TMEM145: variants seen among roughly 807,000 people sequenced by gnomAD.
The protein encoded by TMEM145 is transmembrane protein 145.
Under a neutral mutation model 68.5 loss-of-function variants are expected in TMEM145, and 46 were observed. The ratio of observed to expected loss-of-function variants is 0.67; its 90% CI spans 0.53 to 0.86. TMEM145 has a LOEUF of 0.86. Among genes scored for constraint, TMEM145 ranks in the 40% least tolerant of loss-of-function variants. The probability of loss-of-function intolerance (pLI) is 0.00; values close to 1 mark genes in which losing one functional copy is unlikely to be tolerated. For missense variants in TMEM145, 570 were observed against 645.8 expected, an observed-to-expected ratio of 0.88 and a Z score of 1.27; for synonymous variants, 255 against 280.2, an observed-to-expected ratio of 0.91 and a Z score of 0.90.
Position 42,314,362 on chromosome 19 carries a change from C to T in TMEM145, c.195+16C>T. The T allele has an allele frequency of 6.2e-7, 1 of 1,614,114 alleles. No individual in the cohort carries two copies. The highest frequency in any genetic ancestry group is 8.5e-7 in the Non-Finnish European group (1 of 1,180,008). On this transcript the variant is annotated intron_variant, in intron 2 of 14. Coordinates refer to ENST00000301204, the MANE Select transcript of TMEM145 (RefSeq NM_173633.3). The stretch of plus-strand genomic sequence containing the variant: ...CTACCCTGAGGTGAGTCTCCCCCAA[C>T]ACTCGCCATGCTGAGGCTGGGTACT...
Position 42,315,031 on chromosome 19 carries a change from C to A in TMEM145, c.459C>A (p.Thr153=). Residue 153 remains threonine (T), a synonymous_variant, in exon 6 of 15, where the codon ACC becomes ACA. Coordinates refer to ENST00000301204, the MANE Select transcript of TMEM145 (RefSeq NM_173633.3). The part of the protein sequence containing the change: ...GLQLEYEMVL[T]NGKSFWTRHF... ...AGCTGGAGTATGAGATGGTCCTCACCAATGGCAAGTCCTTCTGGACACGAC... is the reference window on the plus strand; with the variant it reads ...AGCTGGAGTATGAGATGGTCCTCACAAATGGCAAGTCCTTCTGGACACGAC... The A allele has an allele frequency of 6.2e-7, 1 of 1,614,102 alleles. No homozygotes were observed. The highest frequency in any genetic ancestry group is 8.5e-7 in the Non-Finnish European group (1 of 1,180,020).
rs1055064353 is a variant in TMEM145, at chr19:42,313,405, G to A, written c.29G>A (p.Arg10His). The change falls in exon 1 of 15, where the codon CGC (arginine) becomes CAC (histidine). Residue 10 changes from arginine to histidine, a missense_variant. Coordinates refer to ENST00000301204, the MANE Select transcript of TMEM145 (RefSeq NM_173633.3). This position sits in a 1 kb window ranked among gnomAD's most constrained non-coding sequence, Gnocchi z 5.1. ...GAGCCCCTGCGCGCGCCCGCGCTGCGCCGCCTGCTGCCGCCGCTGCTGCTC... is the reference window on the plus strand; with the variant it reads ...GAGCCCCTGCGCGCGCCCGCGCTGCACCGCCTGCTGCCGCCGCTGCTGCTC... MEPLRAPAL[R>H]RLLPPLLLLL... is the part of the protein sequence containing the mutation. 33 of 1,351,556 alleles carry A rather than the reference G, an allele frequency of 2.4e-5. No individual in the cohort carries two copies. Among genetic ancestry groups the A allele is most frequent in the South Asian group, 3.7e-5 (2 of 53,664 alleles). The allele number at this position is 1,351,556 out of a possible 1,614,324, so 83.7% of individuals were successfully genotyped here.
chr19:42,324,518 C>T (rs1221356559), intron 14 of TMEM145: 1 of 985,300 alleles, frequency 1.0e-6, no homozygotes, highest in African/African-American at 1.7e-5. Context: ...CACTGCACCC[C>T]CGGTCTGAGC....
chr19:42,317,383 C>T (rs2038869547), intron 11 of TMEM145, among the ~76,000 whole-genome samples: 1 of 152,178 alleles, frequency 6.6e-6, no homozygotes, highest in Non-Finnish European at 1.5e-5. Context: ...ATGGCTTTGG[C>T]CAAAGGGCTT....
Position 42,323,722 on chromosome 19 carries a change from T to G in TMEM145, c.1334T>G (p.Val445Gly). The change falls in exon 14 of 15, where the codon GTG (valine) becomes GGG (glycine). Residue 445 changes from valine to glycine, a missense_variant. Transcript: ENST00000301204. ...KAFPQHVYGN[V>G]TFISDSVPNF... Reference sequence around the variant, plus strand: ...TTCCCGCAGCACGTCTATGGGAACGTGACGTTTATCAGCGACTCGGTGCCC... The same window carrying G: ...TTCCCGCAGCACGTCTATGGGAACGGGACGTTTATCAGCGACTCGGTGCCC... 2 of 1,614,148 alleles carry G rather than the reference T, an allele frequency of 1.2e-6. No individual in the cohort carries two copies. Among genetic ancestry groups the G allele is most frequent in the Non-Finnish European group, 1.7e-6 (2 of 1,180,004 alleles).
At chr19:42,319,065 C>T (rs570556595) in intron 12 of TMEM145, among the ~76,000 whole-genome samples, 76 of 152,276 alleles carry the variant, frequency 5.0e-4, no homozygotes, top group Non-Finnish European at 9.8e-4. Context: ...GCCTGGGCAA[C>T]AGAGTGAGAC....
rs1318521730 is a variant in TMEM145 at position 42,315,149 on chromosome 19, C to G, written c.506-39C>G. On this transcript the variant is annotated intron_variant, in intron 6 of 14. Transcript: ENST00000301204. ...AGCTGGGTGCCCACTGAGGGGACATCCACCTGAATGAACCTTACTCCTCCT... is the reference window on the plus strand; with the variant it reads ...AGCTGGGTGCCCACTGAGGGGACATGCACCTGAATGAACCTTACTCCTCCT... 22 of 1,613,978 alleles carry G rather than the reference C, an allele frequency of 1.4e-5. No homozygotes were observed. The Admixed American group carries it at 1.5e-4, about 11-fold the overall frequency.
intron 13 of TMEM145, 23 bp from the exon 14 acceptor site, chr19:42,323,560 C>G (rs2038930912): frequency 1.9e-6 from 3 of 1,612,200 alleles, no homozygotes; most frequent in Middle Eastern, 3.3e-4. Flanking sequence ...GCCTCTCACA[C>G]CTGCTCCTGG....
In TMEM145 at chr19:42,316,747, G is replaced by C. The variant is rs747771783; in HGVS notation, c.806+7G>C. 1 of 1,613,308 alleles carries C rather than the reference G, an allele frequency of 6.2e-7. No individual in the cohort carries two copies. On this transcript the variant is annotated splice_region_variant and intron_variant, in intron 10 of 14. Transcript: ENST00000301204. ...AGGGATTCACGGTGACACGGTGCCC[G>C]GGCAGGGCGTGCTCGTGGGGCGGCT...
At chr19:42,322,636 G>A (rs566661244) in intron 13 of TMEM145, among the ~76,000 whole-genome samples, 1 of 152,144 alleles carries the variant, frequency 6.6e-6, no homozygotes, top group South Asian at 2.1e-4. Flanking sequence ...TGCCTTCACA[G>A]CCTATCAGAC....
Position 42,313,472 on chromosome 19 carries a change from G to A in TMEM145, c.96G>A (p.Val32=), listed in dbSNP as rs1364443856. 5 of 1,348,826 alleles carry A rather than the reference G, an allele frequency of 3.7e-6. No individual in the cohort carries two copies. Among genetic ancestry groups the A allele is most frequent in the Non-Finnish European group, 3.8e-6 (4 of 1,047,352 alleles). The allele number at this position is 1,348,826 out of a possible 1,614,324, so 83.6% of individuals were successfully genotyped here. ...CCCCCCGCGCCCGGGCCAAGTACGTGCGGGGCAACCTCAGTTCCAAGGAGG... is the reference window on the plus strand; with the variant it reads ...CCCCCCGCGCCCGGGCCAAGTACGTACGGGGCAACCTCAGTTCCAAGGAGG... ...SLPPRARAKY[V]RGNLSSKEDW... is the part of the protein sequence containing the mutation. The change falls in exon 1 of 15, where the codon GTG becomes GTA. Residue 32 remains valine (V), a synonymous_variant. Transcript: ENST00000301204. This position sits in a 1 kb window ranked among gnomAD's most constrained non-coding sequence, Gnocchi z 5.1.
rs368672580 is a variant in TMEM145, at chr19:42,315,257, G to A, written c.575G>A (p.Gly192Glu). 24 of 1,609,732 alleles carry A rather than the reference G, an allele frequency of 1.5e-5. No homozygotes were observed. In the African/African-American group the frequency reaches 3.1e-4, roughly 21 times the overall value. Reference sequence around the variant, plus strand: ...ATCTTCTTCCTCTCTTGTTACTTTGGATGTGAGTCTGGCACATGGGGTGTG... The same window carrying A: ...ATCTTCTTCCTCTCTTGTTACTTTGAATGTGAGTCTGGCACATGGGGTGTG... ...ILIFFLSCYF[G>E]YLLKGRQLLH... Residue 192 changes from glycine (G) to glutamate (E), a missense_variant and splice_region_variant, in exon 7 of 15, where the codon GGA (glycine) becomes GAA (glutamate). Transcript: ENST00000301204.
At chr19:42,324,219 G>A in intron 14 of TMEM145, 1 of 978,350 alleles carries the variant, frequency 1.0e-6, no homozygotes. Context: ...ACGGGCCTTC[G>A]GGGCCGCATC....
intron 12 of TMEM145, among the ~76,000 whole-genome samples, chr19:42,318,688 A>C (rs1263040933): frequency 9.5e-6 from 1 of 105,604 alleles, no homozygotes; most frequent in African/African-American, 6.0e-5. Context: ...CTTCATCTTC[A>C]AAAAAAAAAA....
chr19:42,313,343 G>C lies in TMEM145; in HGVS notation c.-34G>C, dbSNP rs1398295320. On this transcript the variant is annotated 5_prime_UTR_variant, in exon 1 of 15. Transcript: ENST00000301204. The surrounding 1 kb of genome is among the most constrained non-coding windows in gnomAD (Gnocchi z 5.1). ...CGCCTCCATTGCCGGGCCAGTGCGG[G>C]AGCCGGAGCGGAGCCGGGGCCGGAG... 9 of 897,882 alleles carry C rather than the reference G, an allele frequency of 1.0e-5. No individual in the cohort carries two copies. The highest frequency in any genetic ancestry group is 1.3e-5 in the Non-Finnish European group (9 of 680,776). The allele number at this position is 897,882 out of a possible 1,614,324, so 55.6% of individuals were successfully genotyped here.
intron 10 of TMEM145, 41 bp from the exon 11 acceptor site, chr19:42,316,828 AC>A: frequency 1.2e-6 from 2 of 1,610,798 alleles, no homozygotes; most frequent in South Asian, 2.2e-5. Flanking sequence ...CTCCTCCCTG[AC>A]GGCCCCCACC....
rs2038828536 is a variant in TMEM145 at position 42,313,985 on chromosome 19, A to G, written c.121-287A>G. On this transcript the variant is annotated intron_variant, in intron 1 of 14. Coordinates refer to ENST00000301204, the MANE Select transcript of TMEM145 (RefSeq NM_173633.3). The surrounding 1 kb of genome is among the most constrained non-coding windows in gnomAD (Gnocchi z 5.1). ...AGGACATGAGGTGGCCAGGATGAGC[A>G]TCTGGCCCCTAAGGTCTTTCTCCCC... is the stretch of plus-strand genomic sequence containing the variant. Among the ~76,000 whole-genome samples, 1 of 151,876 alleles carries G rather than the reference A, an allele frequency of 6.6e-6. No individual in the cohort carries two copies. The highest frequency in any genetic ancestry group is 2.1e-4 in the South Asian group (1 of 4,814).
chr19:42,324,708 G>A (rs1310577515), intron 14 of TMEM145, 29 bp from the exon 15 acceptor site: 1 of 1,454,770 alleles, frequency 6.9e-7, no homozygotes, highest in South Asian at 1.4e-5. Flanking sequence ...CGGTCCCGCG[G>A]GAGCCGCTCT....
chr19:42,314,204 T>C, intron 1 of TMEM145, 68 bp from the exon 2 acceptor site: 3 of 1,573,142 alleles, frequency 1.9e-6, no homozygotes, highest in Non-Finnish European at 2.6e-6. Context: ...GGAAGAAAAG[T>C]TGGGGGTCTA....
Sources: gnomAD v4.1 joint callset for allele counts (sites outside exome capture counted in the v4.1 genomes callset) on GRCh38, gnomAD v4.1.1 for gene constraint, Gnocchi (gnomAD v3.1) non-coding constraint, MANE v1.5 for transcripts, NCBI Gene and HGNC (gene_info 2026-07-23, HGNC 2026-07-21) for gene names.